CNTN5: variants seen among roughly 807,000 people sequenced by gnomAD.
CNTN5 encodes the protein contactin-5.
In CNTN5, 77 loss-of-function variants were observed where a neutral mutation model predicts 129.1. The observed-to-expected ratio is 0.60, with a 90% CI of 0.50 to 0.72. The LOEUF is 0.72. CNTN5 is among the 30% of genes least tolerant of loss of function. The pLI, the probability that CNTN5 is intolerant of heterozygous loss-of-function variation, is 0.00. For synonymous variants in CNTN5, 509 were observed against 465.6 expected (o/e 1.09, Z -1.20); for missense variants, 1,478 against 1,328.8 (o/e 1.11, Z -1.75).
chr11:100,344,810 G>A (rs966368415), intron 23 of CNTN5, among the ~76,000 whole-genome samples: 3 of 151,752 alleles, frequency 2.0e-5, no homozygotes, highest in African/African-American at 7.3e-5. Flanking sequence ...ATGATATAAA[G>A]GAATAATACA....
chr11:99,328,745 G>A (rs1315087828), intron 2 of CNTN5, among the ~76,000 whole-genome samples: 2 of 151,056 alleles, frequency 1.3e-5, no homozygotes, highest in African/African-American at 4.9e-5. Context: ...TGGTGCATGT[G>A]TGTAATCCCA....
intron 3 of CNTN5, among the ~76,000 whole-genome samples, chr11:99,817,711 A>G (rs1299004185): frequency 1.3e-5 from 2 of 151,042 alleles, no homozygotes; most frequent in Non-Finnish European, 2.9e-5. Context: ...ACTACAAACT[A>G]CCTTAAAGGA....
At chr11:99,958,434 A>G (rs1292321231) in intron 8 of CNTN5, among the ~76,000 whole-genome samples, 1 of 152,222 alleles carries the variant, frequency 6.6e-6, no homozygotes, top group Non-Finnish European at 1.5e-5. Context: ...GTAGAGAAGT[A>G]GTTAAAAATG....
chr11:99,331,054 T>A (rs573639349), intron 2 of CNTN5, among the ~76,000 whole-genome samples: 65 of 152,112 alleles, frequency 4.3e-4, no homozygotes, highest in African/African-American at 1.5e-3. Context: ...ATTGTGTTTG[T>A]AGACAGGAAG....
At chr11:99,502,874 C>T (rs1946478016) in intron 2 of CNTN5, among the ~76,000 whole-genome samples, 1 of 152,116 alleles carries the variant, frequency 6.6e-6, no homozygotes, top group African/African-American at 2.4e-5. Context: ...ATGTCTTCTC[C>T]TTCCCAAAGT....
At chr11:100,259,794 C>T (rs1950158923) in intron 17 of CNTN5, among the ~76,000 whole-genome samples, 1 of 151,794 alleles carries the variant, frequency 6.6e-6, no homozygotes, top group African/African-American at 2.4e-5. Context: ...ACATTTAAAG[C>T]AGTGTTTAGA....
At chr11:99,565,530 C>T (rs1365105994) in intron 3 of CNTN5, among the ~76,000 whole-genome samples, 1 of 152,104 alleles carries the variant, frequency 6.6e-6, no homozygotes, top group African/African-American at 2.4e-5. Context: ...TGCCATCTGC[C>T]CCAGAGCTCA....
chr11:99,204,015 C>A (rs1485599544), intron 1 of CNTN5, among the ~76,000 whole-genome samples: 4 of 152,048 alleles, frequency 2.6e-5, no homozygotes, highest in Non-Finnish European at 5.9e-5. Flanking sequence ...ATAAATTAAT[C>A]CAAAATAAAT....
chr11:99,997,968 A>T (rs1939570329), intron 8 of CNTN5, among the ~76,000 whole-genome samples: 1 of 152,240 alleles, frequency 6.6e-6, no homozygotes, highest in African/African-American at 2.4e-5. Context: ...TTCATGCTAA[A>T]AACTCTCAAT....
At chr11:99,893,409 T>C (rs1565647564) in intron 6 of CNTN5, among the ~76,000 whole-genome samples, 3 of 152,228 alleles carry the variant, frequency 2.0e-5, no homozygotes, top group Non-Finnish European at 4.4e-5. Context: ...ATCTGCTCTC[T>C]TGCTAAACCT....
intron 13 of CNTN5, among the ~76,000 whole-genome samples, chr11:100,190,210 A>C (rs1948435934): frequency 6.6e-6 from 1 of 152,108 alleles, no homozygotes; most frequent in African/African-American, 2.4e-5. Flanking sequence ...TAGGATTTTA[A>C]AGTTCACAGG....
chr11:99,598,365 T>C lies in CNTN5; in HGVS notation c.55+42096T>C, dbSNP rs143866198. On this transcript the variant is annotated intron_variant, in intron 3 of 24. Transcript: ENST00000524871. ...CTCTCTCTCTCTCTCTCTCTCTCTC[T>C]CTCTCTCTCCCTCTCTCTCTCTGTC... Among the ~76,000 whole-genome samples, 181 of 10,344 alleles carry C rather than the reference T, an allele frequency of 0.017. 29 individuals are homozygous for C. The East Asian group carries it at 0.22, about 13-fold the overall frequency. The allele number at this position is 10,344 out of a possible 152,430, so 6.8% of individuals were successfully genotyped here.
intron 3 of CNTN5, among the ~76,000 whole-genome samples, chr11:99,762,574 G>T (rs993798080): frequency 6.6e-6 from 1 of 151,872 alleles, no homozygotes; most frequent in African/African-American, 2.4e-5. Context: ...TCAGATAGTT[G>T]TAGATATGCG....
chr11:100,053,853 T>C (rs1943085621), intron 9 of CNTN5, among the ~76,000 whole-genome samples: 1 of 151,868 alleles, frequency 6.6e-6, no homozygotes, highest in East Asian at 1.9e-4. Context: ...AGCATATCCA[T>C]ATATCGATAT....
intron 9 of CNTN5, among the ~76,000 whole-genome samples, chr11:100,028,150 A>G (rs186068644): frequency 6.6e-6 from 1 of 152,308 alleles, no homozygotes; most frequent in African/African-American, 2.4e-5. Flanking sequence ...TTTAAAACAG[A>G]AACAGTAAAA....
At chr11:100,088,606 C>T (rs1379573299) in intron 13 of CNTN5, among the ~76,000 whole-genome samples, 1 of 152,090 alleles carries the variant, frequency 6.6e-6, no homozygotes, top group African/African-American at 2.4e-5. Flanking sequence ...CTATTATGAA[C>T]ACCTCTATGC....
chr11:99,031,756 TTTTC>T (rs979132056), intron 1 of CNTN5, among the ~76,000 whole-genome samples: 1 of 151,950 alleles, frequency 6.6e-6, no homozygotes, highest in Non-Finnish European at 1.5e-5. Flanking sequence ...ATGGCTTAGT[TTTTC>T]TTTCTTTTTT....
chr11:99,384,059 TC>T (rs1327257284), intron 2 of CNTN5, among the ~76,000 whole-genome samples: 1 of 152,194 alleles, frequency 6.6e-6, no homozygotes, highest in Non-Finnish European at 1.5e-5. Context: ...CGTTGCTGAT[TC>T]CCTAGTCATT....
chr11:99,795,090 T>A (rs139391815), intron 3 of CNTN5, among the ~76,000 whole-genome samples: 43 of 152,340 alleles, frequency 2.8e-4, no homozygotes, highest in Non-Finnish European at 5.1e-4. Context: ...CTATACATAA[T>A]CCCATATTTC....
Sources: gnomAD v4.1 joint callset for allele counts (sites outside exome capture counted in the v4.1 genomes callset) on GRCh38, gnomAD v4.1.1 for gene constraint, MANE v1.5 for transcripts, NCBI Gene and HGNC (gene_info 2026-07-23, HGNC 2026-07-21) for gene names.